The following TGFBR3 variants were observed in gnomAD, a reference collection of about 807,000 sequenced individuals.
The protein encoded by TGFBR3 is transforming growth factor beta receptor type 3.
In TGFBR3, 46 loss-of-function variants were observed where a neutral mutation model predicts 87.9. That is an observed-to-expected ratio of 0.52 (90% CI 0.41 to 0.67). TGFBR3 has a LOEUF of 0.67. TGFBR3 is among the 30% of genes least tolerant of loss of function. TGFBR3 has a pLI of 0.00. For missense variants in TGFBR3, 866 were observed against 1,041.9 expected (o/e 0.83, Z 2.32); for synonymous variants, 381 against 391.6 (o/e 0.97, Z 0.32).
chr1:91,770,229 T>TAA (rs768443099), intron 3 of TGFBR3, among the ~76,000 whole-genome samples: 2 of 140,622 alleles, frequency 1.4e-5, no homozygotes, highest in African/African-American at 2.6e-5. Context: ...AACCCTGGAT[T>TAA]AAAAAAAAAA....
intron 4 of TGFBR3, among the ~76,000 whole-genome samples, chr1:91,737,067 G>A (rs1672992068): frequency 1.3e-5 from 2 of 152,182 alleles, no homozygotes; most frequent in African/African-American, 4.8e-5. Flanking sequence ...GCTGATTCGT[G>A]GAGGAGGAAC....
chr1:91,849,646 T>C (rs1677641003), intron 2 of TGFBR3, among the ~76,000 whole-genome samples: 1 of 152,238 alleles, frequency 6.6e-6, no homozygotes, highest in Non-Finnish European at 1.5e-5. Flanking sequence ...ACTAGAGACA[T>C]GCTTCATAAG....
chr1:91,731,163 C>T (rs975678559), intron 5 of TGFBR3, among the ~76,000 whole-genome samples: 13 of 152,302 alleles, frequency 8.5e-5, no homozygotes, highest in Middle Eastern at 6.8e-3. Flanking sequence ...CTGCCTTTTC[C>T]ATTTTGAGGA....
At chr1:91,791,814 T>G (rs372212710) in intron 3 of TGFBR3, among the ~76,000 whole-genome samples, 2 of 152,290 alleles carry the variant, frequency 1.3e-5, no homozygotes, top group South Asian at 4.1e-4. Flanking sequence ...AGCCTCCCTT[T>G]CAGGCTGACG....
intron 3 of TGFBR3, among the ~76,000 whole-genome samples, chr1:91,760,651 T>C (rs1196029440): frequency 6.6e-6 from 1 of 152,172 alleles, no homozygotes; most frequent in Non-Finnish European, 1.5e-5. Context: ...TGCACACAGC[T>C]AGGATCATTT....
intron 13 of TGFBR3, among the ~76,000 whole-genome samples, chr1:91,711,875 G>A (rs113299081): frequency 1.6e-4 from 25 of 152,226 alleles, no homozygotes; most frequent in Non-Finnish European, 2.8e-4. Context: ...GACAATGCCA[G>A]TCCCAGCAGG....
chr1:91,875,613 C>T (rs1410999292), intron 1 of TGFBR3, among the ~76,000 whole-genome samples: 3 of 151,976 alleles, frequency 2.0e-5, no homozygotes, highest in African/African-American at 7.3e-5. Flanking sequence ...CTGGGCTGGG[C>T]ACTGTGGCTC....
intron 2 of TGFBR3, among the ~76,000 whole-genome samples, chr1:91,830,266 C>A (rs1676805798): frequency 6.6e-6 from 1 of 152,170 alleles, no homozygotes; most frequent in Non-Finnish European, 1.5e-5. Flanking sequence ...CAGGGTTATG[C>A]TTGGTGAAGA....
chr1:91,839,117 A>G (rs952987260), intron 2 of TGFBR3, among the ~76,000 whole-genome samples: 3 of 152,150 alleles, frequency 2.0e-5, no homozygotes, highest in Non-Finnish European at 4.4e-5. Context: ...AGCTGGGACC[A>G]CAGGCACACA....
chr1:91,721,764 A>G (rs1485804664), intron 8 of TGFBR3, among the ~76,000 whole-genome samples, 191 bp downstream of exon 8: 1 of 152,182 alleles, frequency 6.6e-6, no homozygotes, highest in Non-Finnish European at 1.5e-5. Flanking sequence ...ACTCTATGTC[A>G]CTGAAAATCT....
At chr1:91,749,930 T>C (rs1010523058) in intron 4 of TGFBR3, among the ~76,000 whole-genome samples, 2 of 152,206 alleles carry the variant, frequency 1.3e-5, no homozygotes, top group African/African-American at 4.8e-5. Context: ...TTTGATACAA[T>C]TGCCCAACAC....
chr1:91,700,498 G>A (rs1295605611), intron 14 of TGFBR3, among the ~76,000 whole-genome samples: 1 of 152,180 alleles, frequency 6.6e-6, no homozygotes, highest in Admixed American at 6.5e-5. Context: ...TGGCTCTAGG[G>A]GAAGGAATGC....
At chr1:91,852,410 G>A (rs1242859865) in intron 2 of TGFBR3, among the ~76,000 whole-genome samples, 1 of 152,198 alleles carries the variant, frequency 6.6e-6, no homozygotes, top group Non-Finnish European at 1.5e-5. Context: ...GCGCATGCAT[G>A]TGTGTGTTGT....
At chr1:91,757,052 C>T (rs1673770655) in intron 4 of TGFBR3, among the ~76,000 whole-genome samples, 1 of 152,032 alleles carries the variant, frequency 6.6e-6, no homozygotes, top group Non-Finnish European at 1.5e-5. Context: ...TCCACTGTCC[C>T]CCTAATGTCT....
At position 91,874,856 on chromosome 1, in the gene TGFBR3, A is replaced by T. The variant is rs1678721621; in HGVS notation, c.-114+11022T>A. ...AGGTTTTATCACAATCATTCTGGCT[A>T]TTGGGTGGGAACTAGGCTGCAGAGG... is the stretch of plus-strand genomic sequence containing the variant. On this transcript the variant is annotated intron_variant, in intron 1 of 16. Coordinates refer to ENST00000212355, the MANE Select transcript of TGFBR3 (RefSeq NM_003243.5). Among the ~76,000 whole-genome samples, 4 of 152,112 alleles carry T rather than the reference A, an allele frequency of 2.6e-5. No homozygotes were observed. The South Asian group carries it at 8.3e-4, about 32-fold the overall frequency.
upstream of TGFBR3, among the ~76,000 whole-genome samples, chr1:91,890,959 G>A (rs1017431118): frequency 4.0e-5 from 6 of 151,618 alleles, no homozygotes; most frequent in African/African-American, 7.3e-5. Flanking sequence ...GTGCAGTGGT[G>A]CAGTCTTGGT....
chr1:91,749,891 C>T (rs367568345), intron 4 of TGFBR3, among the ~76,000 whole-genome samples: 38 of 152,290 alleles, frequency 2.5e-4, no homozygotes, highest in South Asian at 1.9e-3. Context: ...CTGGCCACCA[C>T]GTCAACAAAG....
At chr1:91,731,421 C>T (rs1052340999) in intron 5 of TGFBR3, among the ~76,000 whole-genome samples, 1 of 152,138 alleles carries the variant, frequency 6.6e-6, no homozygotes, top group Non-Finnish European at 1.5e-5. Context: ...ATTGGGTTTG[C>T]ACTCTGCAGT....
intron 2 of TGFBR3, among the ~76,000 whole-genome samples, chr1:91,828,993 C>T (rs1390297311): frequency 3.3e-5 from 5 of 152,248 alleles, no homozygotes; most frequent in African/African-American, 1.2e-4. Flanking sequence ...GTCCTGCTGG[C>T]AAATCACCAA....
Sources: gnomAD v4.1 joint callset for allele counts (sites outside exome capture counted in the v4.1 genomes callset) on GRCh38, gnomAD v4.1.1 for gene constraint, MANE v1.5 for transcripts, NCBI Gene and HGNC (gene_info 2026-07-23, HGNC 2026-07-21) for gene names.